IFT57: variants seen among roughly 807,000 people sequenced by gnomAD.
IFT57 encodes intraflagellar transport 57.
Under a neutral mutation model 56.8 loss-of-function variants are expected in IFT57, and 59 were observed. The observed-to-expected ratio is 1.04, with a 90% CI of 0.84 to 1.29. The LOEUF is 1.29. IFT57 is among the 50% of genes most tolerant of loss of function. The pLI is 0.00. For synonymous variants in IFT57, 209 were observed against 186.1 expected, an observed-to-expected ratio of 1.12 and a Z score of -1.00; for missense variants, 470 against 522.1, an observed-to-expected ratio of 0.90 and a Z score of 0.97.
intron 6 of IFT57, among the ~76,000 whole-genome samples, chr3:108,173,803 T>C (rs2080107993): frequency 6.9e-6 from 1 of 145,722 alleles, no homozygotes; most frequent in Non-Finnish European, 1.5e-5. Flanking sequence ...TGTGTGTGTG[T>C]GTGTGTATAT....
Position 108,171,483 on chromosome 3 carries a change from G to A in IFT57, c.778-3619C>T, listed in dbSNP as rs141378034. Among the ~76,000 whole-genome samples the A allele has an allele frequency of 6.1e-3, 920 of 151,924 alleles. 3 individuals are homozygous for A. Among genetic ancestry groups the A allele is most frequent in the Middle Eastern group, 0.017 (5 of 294 alleles). On this transcript the variant is annotated intron_variant, in intron 6 of 10. Coordinates refer to ENST00000264538, the MANE Select transcript of IFT57 (RefSeq NM_018010.4). Reference sequence around the variant, plus strand: ...TTCTGTTTCATGAGCAAAAAGTATCGCAGAATTGGAGAGCTGAAAAGAACC... The same window carrying A: ...TTCTGTTTCATGAGCAAAAAGTATCACAGAATTGGAGAGCTGAAAAGAACC...
intron 5 of IFT57, among the ~76,000 whole-genome samples, chr3:108,195,704 G>T (rs2080240418): frequency 1.3e-5 from 2 of 152,076 alleles, no homozygotes; most frequent in Admixed American, 1.3e-4. Flanking sequence ...TATGTTAAAT[G>T]AAATATGCCA....
intron 6 of IFT57, among the ~76,000 whole-genome samples, chr3:108,176,029 G>A (rs1205180984): frequency 2.0e-5 from 3 of 151,822 alleles, no homozygotes; most frequent in Admixed American, 6.6e-5. Flanking sequence ...GCTCTGATGT[G>A]TGTTGAATCA....
intron 5 of IFT57, among the ~76,000 whole-genome samples, chr3:108,203,860 T>TC (rs1164403524): frequency 2.0e-5 from 3 of 152,164 alleles, no homozygotes; most frequent in Non-Finnish European, 2.9e-5. Context: ...TCTTATTGTT[T>TC]TAAAACCATA....
intron 5 of IFT57, among the ~76,000 whole-genome samples, chr3:108,192,822 G>C (rs1003054457): frequency 6.6e-6 from 1 of 151,872 alleles, no homozygotes; most frequent in African/African-American, 2.4e-5. Context: ...TAATTTTATA[G>C]ATATGACATG....
intron 5 of IFT57, among the ~76,000 whole-genome samples, chr3:108,198,401 A>G (rs960144220): frequency 2.0e-5 from 3 of 152,100 alleles, no homozygotes; most frequent in Non-Finnish European, 4.4e-5. Context: ...TCAAACTATA[A>G]CACTTGTCAC....
rs547513839 is a variant in IFT57 at position 108,161,313 on chromosome 3, T to C, written c.*1164A>G. The C allele has an allele frequency of 6.6e-6, 1 of 150,452 alleles. No individual in the cohort carries two copies. The highest frequency in any genetic ancestry group is 1.5e-5 in the Non-Finnish European group (1 of 67,302). 9.3% of individuals were successfully genotyped at this position (150,452 alleles called of 1,614,324 possible). A position where few individuals can be genotyped will look rare whatever the true frequency, so the allele number is the denominator to read the frequency against. ...GGTAGTTTACATACACTTTCTCCTG[T>C]CTAAACTTATCTTAAACTAAAGAGA... On this transcript the variant is annotated 3_prime_UTR_variant, in exon 11 of 11. Coordinates refer to ENST00000264538, the MANE Select transcript of IFT57 (RefSeq NM_018010.4).
intron 6 of IFT57, among the ~76,000 whole-genome samples, chr3:108,190,661 CAA>C (rs1403951966): frequency 6.6e-6 from 1 of 152,106 alleles, no homozygotes; most frequent in African/African-American, 2.4e-5. Context: ...TATAGCAGTA[CAA>C]AAACGAACTA....
chr3:108,175,830 G>A (rs2108311737), intron 6 of IFT57, among the ~76,000 whole-genome samples: 1 of 151,636 alleles, frequency 6.6e-6, no homozygotes, highest in Non-Finnish European at 1.5e-5. Context: ...GACTTTGCGA[G>A]TGGAGAGGCA....
intron 5 of IFT57, among the ~76,000 whole-genome samples, chr3:108,197,415 A>C (rs150488074): frequency 6.6e-6 from 1 of 152,308 alleles, no homozygotes; most frequent in East Asian, 1.9e-4. Flanking sequence ...TGCCAAAGGA[A>C]GAACTGAAAA....
chr3:108,164,298 C>T (rs2080049324), intron 9 of IFT57, among the ~76,000 whole-genome samples: 1 of 152,044 alleles, frequency 6.6e-6, no homozygotes, highest in African/African-American at 2.4e-5. Context: ...ACACTTGTTC[C>T]TATCTGCACT....
At chr3:108,222,072 C>G (rs1442383998) in intron 1 of IFT57, 39 bp downstream of exon 1, 1 of 1,559,300 alleles carries the variant, frequency 6.4e-7, no homozygotes, top group East Asian at 2.4e-5. Flanking sequence ...TCCCTGGGGG[C>G]TAGCAGGCAC....
chr3:108,181,826 C>T lies in IFT57; in HGVS notation c.777+9695G>A, dbSNP rs965400797. Among the ~76,000 whole-genome samples the T allele has an allele frequency of 2.0e-5, 3 of 152,060 alleles. No individual in the cohort carries two copies. The South Asian group carries it at 6.2e-4, about 32-fold the overall frequency. ...ACCGACTTATTGCCACCTGTATTTACATTTGTTACTGGTAATTGTAAAAGC... is the reference window on the plus strand; with the variant it reads ...ACCGACTTATTGCCACCTGTATTTATATTTGTTACTGGTAATTGTAAAAGC... On this transcript the variant is annotated intron_variant, in intron 6 of 10. Coordinates refer to ENST00000264538, the MANE Select transcript of IFT57 (RefSeq NM_018010.4).
At chr3:108,212,906 A>G (rs952750209) in intron 4 of IFT57, among the ~76,000 whole-genome samples, 3 of 152,148 alleles carry the variant, frequency 2.0e-5, no homozygotes, top group African/African-American at 7.2e-5. Flanking sequence ...GGGTCCACTT[A>G]AATACAAATT....
intron 5 of IFT57, among the ~76,000 whole-genome samples, chr3:108,196,526 T>G (rs1373291978): frequency 6.6e-6 from 1 of 152,218 alleles, no homozygotes; most frequent in Non-Finnish European, 1.5e-5. Context: ...CATTAAGATA[T>G]GCCACTGCAT....
chr3:108,188,138 C>T (rs1576038802), intron 6 of IFT57, among the ~76,000 whole-genome samples: 1 of 151,874 alleles, frequency 6.6e-6, no homozygotes, highest in East Asian at 1.9e-4. Context: ...CTTCCTGTGT[C>T]CAAGTGTCTA....
chr3:108,219,331 G>A, intron 2 of IFT57, 79 bp downstream of exon 2: 2 of 1,190,070 alleles, frequency 1.7e-6, no homozygotes, highest in Non-Finnish European at 1.2e-6. Context: ...CATCTAAATG[G>A]CTAGCATTTG....
chr3:108,206,028 ATAT>A (rs1194338868), intron 5 of IFT57, among the ~76,000 whole-genome samples: 1,181 of 103,752 alleles, frequency 0.011, 15 homozygotes, highest in African/African-American at 0.038. Flanking sequence ...AATATATTGT[ATAT>A]TATTTATAAT....
At chr3:108,173,634 A>T (rs1447246743) in intron 6 of IFT57, among the ~76,000 whole-genome samples, 1 of 151,806 alleles carries the variant, frequency 6.6e-6, no homozygotes, top group African/African-American at 2.4e-5. Flanking sequence ...AATTTATTGA[A>T]TGTTGTACAG....
Sources: gnomAD v4.1 joint callset for allele counts (sites outside exome capture counted in the v4.1 genomes callset) on GRCh38, gnomAD v4.1.1 for gene constraint, MANE v1.5 for transcripts, NCBI Gene and HGNC (gene_info 2026-07-23, HGNC 2026-07-21) for gene names.